Variants in RPS6KA5 observed in about 807,000 individuals in gnomAD.
RPS6KA5 encodes ribosomal protein S6 kinase A5.
A neutral mutation model predicts 85.5 loss-of-function variants in RPS6KA5; 27 were observed. That is an observed-to-expected ratio of 0.32 (90% CI 0.23 to 0.44). RPS6KA5 has a LOEUF of 0.44. RPS6KA5 is among the 20% of genes least tolerant of loss of function. RPS6KA5 has a pLI of 1.00. For synonymous variants in RPS6KA5, 334 were observed against 348.2 expected (o/e 0.96, Z 0.46); for missense variants, 811 against 980.9 (o/e 0.83, Z 2.31).
chr14:91,040,220 CCA>C (rs1471507193), intron 1 of RPS6KA5, among the ~76,000 whole-genome samples: 1 of 152,166 alleles, frequency 6.6e-6, no homozygotes, highest in Non-Finnish European at 1.5e-5. Flanking sequence ...CAGCCTAGAA[CCA>C]ATATGGAGAA....
chr14:90,982,885 G>A (rs1040273344), intron 2 of RPS6KA5, among the ~76,000 whole-genome samples: 11 of 152,126 alleles, frequency 7.2e-5, no homozygotes, highest in African/African-American at 7.2e-5. Context: ...AGGCCGAGGC[G>A]GGCAGATCAT....
At chr14:90,960,750 A>G (rs1355061863) in intron 3 of RPS6KA5, among the ~76,000 whole-genome samples, 1 of 152,222 alleles carries the variant, frequency 6.6e-6, no homozygotes, top group Non-Finnish European at 1.5e-5. Context: ...GATTTCTGAA[A>G]ATTCCTTCTC....
chr14:90,885,969 A>T (rs942021653), intron 14 of RPS6KA5, among the ~76,000 whole-genome samples: 20 of 152,076 alleles, frequency 1.3e-4, no homozygotes, highest in African/African-American at 4.8e-4. Flanking sequence ...TCTCAGTTCC[A>T]AGCTCTTAAA....
At chr14:90,956,285 C>G (rs1468537451) in intron 3 of RPS6KA5, among the ~76,000 whole-genome samples, 1 of 152,022 alleles carries the variant, frequency 6.6e-6, no homozygotes, top group Non-Finnish European at 1.5e-5. Flanking sequence ...AGGAAGTGTC[C>G]TTTTAAATCT....
chr14:90,907,020 T>G (rs1364734601), intron 7 of RPS6KA5, among the ~76,000 whole-genome samples: 1 of 152,212 alleles, frequency 6.6e-6, no homozygotes, highest in Non-Finnish European at 1.5e-5. Context: ...TAAAGTTTCT[T>G]GATGAGAAAT....
intron 3 of RPS6KA5, among the ~76,000 whole-genome samples, chr14:90,956,203 T>G (rs1479674488): frequency 6.6e-6 from 1 of 152,138 alleles, no homozygotes; most frequent in Non-Finnish European, 1.5e-5. Flanking sequence ...TGGAACCAAT[T>G]CCCTGCAGAT....
At chr14:90,892,244 C>T (rs1016416713) in intron 13 of RPS6KA5, among the ~76,000 whole-genome samples, 4 of 152,100 alleles carry the variant, frequency 2.6e-5, no homozygotes, top group African/African-American at 9.7e-5. Context: ...TCAAGTGATC[C>T]GCTTGCCTCG....
intron 4 of RPS6KA5, 123 bp downstream of exon 4, chr14:90,947,312 T>C (rs2037922802): frequency 3.5e-6 from 2 of 576,960 alleles, no homozygotes; most frequent in Admixed American, 6.1e-5. Flanking sequence ...GGTAATGTTC[T>C]ATAAGTATGC....
chr14:91,003,515 G>A (rs575700436), intron 1 of RPS6KA5, among the ~76,000 whole-genome samples: 1 of 152,118 alleles, frequency 6.6e-6, no homozygotes, highest in South Asian at 2.1e-4. Context: ...TAACACTTTG[G>A]CTGCTACAGG....
intron 1 of RPS6KA5, among the ~76,000 whole-genome samples, chr14:91,003,228 T>G (rs1225144882): frequency 1.3e-5 from 2 of 152,100 alleles, no homozygotes; most frequent in African/African-American, 4.8e-5. Context: ...AAAAGCATTG[T>G]TCATATACTA....
intron 1 of RPS6KA5, among the ~76,000 whole-genome samples, chr14:91,025,131 G>A (rs1180415076): frequency 6.6e-6 from 1 of 151,910 alleles, no homozygotes; most frequent in African/African-American, 2.4e-5. Flanking sequence ...TGCAACCTCA[G>A]CCCCCAGGGT....
At chr14:91,024,404 G>A (rs751011323) in intron 1 of RPS6KA5, among the ~76,000 whole-genome samples, 1 of 151,880 alleles carries the variant, frequency 6.6e-6, no homozygotes, top group Non-Finnish European at 1.5e-5. Flanking sequence ...CTACATAATG[G>A]TTGGATTTGG....
intron 3 of RPS6KA5, among the ~76,000 whole-genome samples, chr14:90,976,027 C>T (rs544908474): frequency 9.9e-5 from 15 of 151,840 alleles, no homozygotes; most frequent in African/African-American, 3.1e-4. Flanking sequence ...ATGACAAAGG[C>T]CAAAAGTAAT....
Position 90,852,247 on chromosome 14 carries a change from A to AC in RPS6KA5, c.*19826dup, listed in dbSNP as rs989061344. 6.6e-6 allele frequency: 1 copy of AC among 151,614 alleles called. No homozygotes were observed. The highest frequency in any genetic ancestry group is 6.6e-5 in the Admixed American group (1 of 15,204). 9.4% of individuals were successfully genotyped at this position (151,614 alleles called of 1,614,324 possible). On this transcript the variant is annotated 3_prime_UTR_variant, in exon 17 of 17. Coordinates refer to ENST00000614987, the MANE Select transcript of RPS6KA5 (RefSeq NM_004755.4). Reference sequence around the variant, plus strand: ...GTACCTGGGACTACAGGTGCCCACCACCATGCCTGGCTAATTTTTTGTATT... The same window carrying AC: ...GTACCTGGGACTACAGGTGCCCACCACCCATGCCTGGCTAATTTTTTGTATT...
intron 1 of RPS6KA5, among the ~76,000 whole-genome samples, chr14:91,014,852 A>T (rs1258208427): frequency 2.0e-5 from 3 of 152,150 alleles, no homozygotes; most frequent in African/African-American, 4.8e-5. Flanking sequence ...TTTCATATGC[A>T]GCTTTATAGT....
At chr14:90,889,977 C>T (rs1472133770) in intron 14 of RPS6KA5, among the ~76,000 whole-genome samples, 2 of 152,198 alleles carry the variant, frequency 1.3e-5, no homozygotes, top group African/African-American at 2.4e-5. Context: ...TCTAGCTTAA[C>T]GTTCTATTTC....
chr14:90,887,104 CTTT>C (rs927959211), intron 14 of RPS6KA5, among the ~76,000 whole-genome samples: 19 of 151,898 alleles, frequency 1.3e-4, no homozygotes, highest in African/African-American at 2.2e-4. Context: ...GCAAAGCACT[CTTT>C]TTTTTCGGAT....
chr14:91,044,381 G>T (rs867550636), intron 1 of RPS6KA5, among the ~76,000 whole-genome samples: 1 of 19,786 alleles, frequency 5.1e-5, no homozygotes, highest in Non-Finnish European at 1.2e-4. Flanking sequence ...AAGAAGGAAA[G>T]AAAGAAAGAA....
chr14:91,059,976 C>T, intron 1 of RPS6KA5: 1 of 940,696 alleles, frequency 1.1e-6, no homozygotes, highest in Non-Finnish European at 1.3e-6. Context: ...CGGAGGCAGG[C>T]GCACCTTTCG....
Sources: gnomAD v4.1 joint callset for allele counts (sites outside exome capture counted in the v4.1 genomes callset) on GRCh38, gnomAD v4.1.1 for gene constraint, MANE v1.5 for transcripts, NCBI Gene and HGNC (gene_info 2026-07-23, HGNC 2026-07-21) for gene names.